Variants in DMD observed in about 807,000 individuals in gnomAD.
The protein encoded by DMD is mutant dystrophin.
In DMD, 63 loss-of-function variants were observed where a neutral mutation model predicts 330.1. The ratio of observed to expected loss-of-function variants is 0.19; its 90% CI spans 0.16 to 0.24. The LOEUF (loss-of-function observed/expected upper bound fraction) is 0.24, where lower values mean the gene tolerates loss of function less well. DMD is among the 10% of genes least tolerant of loss of function. DMD has a pLI of 1.00. For missense variants in DMD, 3,344 were observed against 2,684.1 expected (o/e 1.25, Z -5.43); for synonymous variants, 1,223 against 959.8 (o/e 1.27, Z -5.07).
chrX:33,049,147 A>G (rs983992874), intron 1 of DMD, among the ~76,000 whole-genome samples: 2 of 111,929 alleles, frequency 1.8e-5, no homozygotes, highest in African/African-American at 6.5e-5. Context: ...TAGCCTGAAC[A>G]CTAAAAAGAG....
intron 9 of DMD, among the ~76,000 whole-genome samples, chrX:32,654,196 G>C (rs1182414903): frequency 9.0e-6 from 1 of 111,350 alleles, no homozygotes; most frequent in East Asian, 2.8e-4. Flanking sequence ...TGTTGAATAG[G>C]AGTGGTGAGA....
intron 76 of DMD, among the ~76,000 whole-genome samples, chrX:31,142,156 A>T (rs1315910071): frequency 8.9e-6 from 1 of 112,231 alleles, no homozygotes; most frequent in Admixed American, 9.4e-5. Flanking sequence ...AATTGGCAGA[A>T]TTGGAGGTAT....
intron 38 of DMD, among the ~76,000 whole-genome samples, chrX:32,346,391 T>A (rs1468391628): frequency 7.2e-5 from 8 of 111,428 alleles, no homozygotes; most frequent in African/African-American, 2.6e-4. Flanking sequence ...TTTGGCTTTT[T>A]TAGTGTAGTT....
At chrX:32,808,968 G>A (rs1478415906) in intron 7 of DMD, among the ~76,000 whole-genome samples, 2 of 112,111 alleles carry the variant, frequency 1.8e-5, no homozygotes, top group Non-Finnish European at 3.8e-5. Context: ...ATACACTTCT[G>A]CCTATCAACT....
chrX:32,161,825 T>G (rs534971251), intron 44 of DMD, among the ~76,000 whole-genome samples: 1 of 111,713 alleles, frequency 9.0e-6, no homozygotes, highest in Non-Finnish European at 1.9e-5. Context: ...TCCAAGAAGA[T>G]AGTACACCCT....
At chrX:32,580,105 T>A (rs1340485224) in intron 13 of DMD, among the ~76,000 whole-genome samples, 2 of 108,189 alleles carry the variant, frequency 1.8e-5, no homozygotes, top group Non-Finnish European at 3.8e-5. Context: ...AGAGCAGGAG[T>A]TCTAAGGAGC....
At chrX:31,154,721 T>C (rs2148015295) in intron 74 of DMD, among the ~76,000 whole-genome samples, 1 of 112,003 alleles carries the variant, frequency 8.9e-6, no homozygotes, top group African/African-American at 3.2e-5. Context: ...TGTTAGAATG[T>C]AGTCATGAAG....
At chrX:32,061,082 AT>A (rs925257273) in intron 44 of DMD, among the ~76,000 whole-genome samples, 1 of 110,866 alleles carries the variant, frequency 9.0e-6, no homozygotes, top group Non-Finnish European at 1.9e-5. Context: ...ACTTCTCTAC[AT>A]TTTTTTTCTG....
chrX:33,090,045 T>C (rs1470648879), intron 1 of DMD, among the ~76,000 whole-genome samples: 2 of 111,703 alleles, frequency 1.8e-5, no homozygotes, highest in Admixed American at 9.6e-5. Flanking sequence ...TAATCTTCCA[T>C]AGATGTAAAC....
At chrX:31,727,250 T>A (rs1181595531) in intron 52 of DMD, among the ~76,000 whole-genome samples, 1 of 112,173 alleles carries the variant, frequency 8.9e-6, no homozygotes, top group South Asian at 3.7e-4. Flanking sequence ...GGGAATTCAG[T>A]CTCATATTGA....
At chrX:32,643,237 G>C (rs1310507641) in intron 11 of DMD, among the ~76,000 whole-genome samples, 9 of 110,546 alleles carry the variant, frequency 8.1e-5, no homozygotes, top group African/African-American at 3.0e-4. Context: ...CTTTCAAAAG[G>C]CCTGAGCTTA....
At chrX:31,916,920 A>G (rs1238003351) in intron 47 of DMD, among the ~76,000 whole-genome samples, 1 of 112,644 alleles carries the variant, frequency 8.9e-6, no homozygotes, top group African/African-American at 3.2e-5. Context: ...GTCAAAGTTG[A>G]TATGTATCTT....
chrX:31,498,140 C>T (rs1189837020), intron 56 of DMD, among the ~76,000 whole-genome samples: 2 of 111,754 alleles, frequency 1.8e-5, no homozygotes, highest in Non-Finnish European at 3.8e-5. Context: ...CAATGACCCA[C>T]AGGCTTAAAT....
At chrX:31,130,286 G>A (rs1362952690) in intron 77 of DMD, among the ~76,000 whole-genome samples, 1 of 111,894 alleles carries the variant, frequency 8.9e-6, no homozygotes, top group African/African-American at 3.2e-5. Flanking sequence ...TTTGTTTATT[G>A]TACCCATGTA....
At chrX:32,656,623 CTCTG>C (rs2060591786) in intron 9 of DMD, among the ~76,000 whole-genome samples, 1 of 111,749 alleles carries the variant, frequency 8.9e-6, no homozygotes, top group African/African-American at 3.3e-5. Flanking sequence ...TAAAACTCTA[CTCTG>C]TCTCTCTAAA....
intron 53 of DMD, among the ~76,000 whole-genome samples, chrX:31,663,660 C>T (rs1336060843): frequency 9.0e-6 from 1 of 111,222 alleles, no homozygotes; most frequent in African/African-American, 3.3e-5. Context: ...CATCTGGGCA[C>T]CCATCTATTC....
intron 44 of DMD, among the ~76,000 whole-genome samples, chrX:32,086,642 G>A (rs961838560): frequency 3.7e-4 from 41 of 111,764 alleles, no homozygotes; most frequent in African/African-American, 1.0e-3. Flanking sequence ...TAAAGATGAT[G>A]TAGCTGCTTG....
At chrX:33,018,309 A>C (rs2093843657) in intron 2 of DMD, among the ~76,000 whole-genome samples, 1 of 111,723 alleles carries the variant, frequency 9.0e-6, no homozygotes, top group Non-Finnish European at 1.9e-5. Context: ...GTGTGAGTTG[A>C]GTTAGAGGAT....
At chrX:32,588,512 A>C (rs2054537197) in intron 13 of DMD, among the ~76,000 whole-genome samples, 1 of 112,059 alleles carries the variant, frequency 8.9e-6, no homozygotes, top group Non-Finnish European at 1.9e-5. Context: ...AGATAACATG[A>C]GACAAGTCTA....
Sources: allele counts gnomAD v4.1 joint callset (sites outside exome capture counted in the v4.1 genomes callset), GRCh38; gene constraint gnomAD v4.1.1; transcripts MANE v1.5; gene names NCBI Gene and HGNC (gene_info 2026-07-23, HGNC 2026-07-21).